The following DOK6 variants were observed in gnomAD, a reference collection of about 807,000 sequenced individuals.
DOK6 encodes the protein docking protein 6.
Under a neutral mutation model 44.0 loss-of-function variants are expected in DOK6, and 22 were observed. That is an observed-to-expected ratio of 0.50 (90% CI 0.36 to 0.71). The LOEUF is 0.71. Ranked by LOEUF, DOK6 falls within the 30% of genes least tolerant of loss-of-function variation. The pLI is 0.00. For synonymous variants in DOK6, 166 were observed against 145.5 expected, an observed-to-expected ratio of 1.14 and a Z score of -1.01; for missense variants, 340 against 416.4, an observed-to-expected ratio of 0.82 and a Z score of 1.60.
intron 1 of DOK6, among the ~76,000 whole-genome samples, chr18:69,423,083 C>T (rs562837333): frequency 5.3e-5 from 8 of 152,158 alleles, no homozygotes; most frequent in African/African-American, 1.9e-4. Flanking sequence ...GTGGGAAGAT[C>T]GCTTGAGGCC....
chr18:69,597,663 G>A (rs905227300), intron 2 of DOK6, among the ~76,000 whole-genome samples: 2 of 152,198 alleles, frequency 1.3e-5, no homozygotes, highest in Non-Finnish European at 2.9e-5. Flanking sequence ...AAAAGGACAT[G>A]TGTCTACAGT....
intron 3 of DOK6, among the ~76,000 whole-genome samples, chr18:69,653,056 G>T (rs971925293): frequency 6.6e-6 from 1 of 152,056 alleles, no homozygotes; most frequent in African/African-American, 2.4e-5. Context: ...AAAAACATGG[G>T]TAAATAGTGG....
intron 5 of DOK6, among the ~76,000 whole-genome samples, chr18:69,711,202 G>T (rs965683621): frequency 1.3e-5 from 2 of 152,184 alleles, no homozygotes; most frequent in Non-Finnish European, 2.9e-5. Context: ...CTGAGTCCAT[G>T]ATATGCTTTC....
At chr18:69,476,239 T>C (rs1245375444) in intron 1 of DOK6, among the ~76,000 whole-genome samples, 7 of 152,224 alleles carry the variant, frequency 4.6e-5, no homozygotes, top group Non-Finnish European at 1.0e-4. Flanking sequence ...GTTTATCATA[T>C]ATTATTTTTC....
chr18:69,507,183 G>A (rs572573367), intron 1 of DOK6, among the ~76,000 whole-genome samples: 6 of 151,914 alleles, frequency 3.9e-5, no homozygotes, highest in East Asian at 1.9e-4. Context: ...GCGTGCCACC[G>A]TGGCTTGCTA....
At chr18:69,641,533 G>T (rs1283041511) in intron 3 of DOK6, among the ~76,000 whole-genome samples, 2 of 152,128 alleles carry the variant, frequency 1.3e-5, no homozygotes, top group Non-Finnish European at 2.9e-5. Context: ...AGAAGCAGAT[G>T]CTTAAACTGT....
rs142287768 is a variant in DOK6, at chr18:69,574,587, A to C, written c.174+9993A>C. On this transcript the variant is annotated intron_variant, in intron 2 of 7. Coordinates refer to ENST00000382713, the MANE Select transcript of DOK6 (RefSeq NM_152721.6). Reference sequence around the variant, plus strand: ...GTGACCACAAGTACTGAAAAGCTACATTGCACAATGATTTGAAGAGAATTT... The same window carrying C: ...GTGACCACAAGTACTGAAAAGCTACCTTGCACAATGATTTGAAGAGAATTT... Among the ~76,000 whole-genome samples the C allele has an allele frequency of 4.1e-4, 62 of 152,198 alleles. No individual in the cohort carries two copies. The East Asian group carries it at 0.011, about 26-fold the overall frequency.
intron 1 of DOK6, among the ~76,000 whole-genome samples, chr18:69,413,250 A>G (rs886504095): frequency 6.6e-6 from 1 of 152,114 alleles, no homozygotes; most frequent in Non-Finnish European, 1.5e-5. Context: ...AATATCTTAA[A>G]ATCATCAATG....
At chr18:69,725,493 A>G (rs1380669578) in intron 5 of DOK6, among the ~76,000 whole-genome samples, 1 of 152,140 alleles carries the variant, frequency 6.6e-6, no homozygotes, top group Non-Finnish European at 1.5e-5. Flanking sequence ...TAATTTTTAA[A>G]TATGTATTTA....
chr18:69,803,573 T>C (rs1224617903), intron 7 of DOK6, among the ~76,000 whole-genome samples: 1 of 152,134 alleles, frequency 6.6e-6, no homozygotes, highest in Non-Finnish European at 1.5e-5. Context: ...GATTTATTTT[T>C]AAAAAATAGC....
At chr18:69,744,475 C>T (rs1978913846) in intron 6 of DOK6, among the ~76,000 whole-genome samples, 1 of 151,626 alleles carries the variant, frequency 6.6e-6, no homozygotes, top group Non-Finnish European at 1.5e-5. Context: ...TACTGATAGT[C>T]ATGGATTGCG....
At chr18:69,675,228 A>G (rs1318381956) in intron 3 of DOK6, among the ~76,000 whole-genome samples, 2 of 152,264 alleles carry the variant, frequency 1.3e-5, no homozygotes, top group Admixed American at 1.3e-4. Context: ...CTTTTACTGT[A>G]TGATTGCTTT....
intron 1 of DOK6, among the ~76,000 whole-genome samples, chr18:69,486,390 G>T (rs1980578879): frequency 6.6e-6 from 1 of 151,998 alleles, no homozygotes; most frequent in Non-Finnish European, 1.5e-5. Context: ...AATGATAATG[G>T]GACAATTAAG....
rs532036373 is a variant in DOK6, at chr18:69,690,458, T to A, written c.410-7946T>A. Among the ~76,000 whole-genome samples the A allele has an allele frequency of 1.1e-4, 16 of 152,328 alleles. 1 individual carries two copies. Among genetic ancestry groups the A allele is most frequent in the African/African-American group, 3.1e-4 (13 of 41,578 alleles). On this transcript the variant is annotated intron_variant, in intron 4 of 7. Coordinates refer to ENST00000382713, the MANE Select transcript of DOK6 (RefSeq NM_152721.6). ...AGATCTAAGGATGGGTCTAAATGTG[T>A]AAACATCCGCTTTTTCAGTGTGGTT...
chr18:69,808,197 T>C (rs1981111558), intron 7 of DOK6, among the ~76,000 whole-genome samples: 1 of 151,644 alleles, frequency 6.6e-6, no homozygotes, highest in Admixed American at 6.6e-5. Context: ...GAAAAACAAA[T>C]GGACCAGTGA....
chr18:69,828,882 G>GTATATATATATATATATATATATATA (rs1475499795), intron 7 of DOK6, among the ~76,000 whole-genome samples: 524 of 25,028 alleles, frequency 0.021, 25 homozygotes, highest in South Asian at 0.069. Context: ...ATACATTTAT[G>GTATATATATATATATATATATATATA]TGTATATATA....
Position 69,730,047 on chromosome 18 carries a change from T to C in DOK6, c.600-8918T>C, listed in dbSNP as rs183382764. Among the ~76,000 whole-genome samples the C allele has an allele frequency of 4.6e-3, 705 of 152,246 alleles. 5 individuals carry two copies. Among genetic ancestry groups the C allele is most frequent in the African/African-American group, 0.016 (675 of 41,542 alleles). ...TCAATACGGAAGGAAAAGAGGAAGA[T>C]AATGAATAGGGAAGATACACTACAT... On this transcript the variant is annotated intron_variant, in intron 5 of 7. Transcript: ENST00000382713.
chr18:69,768,739 ATT>A (rs1185325583), intron 7 of DOK6, among the ~76,000 whole-genome samples: 1 of 151,652 alleles, frequency 6.6e-6, no homozygotes, highest in East Asian at 1.9e-4. Flanking sequence ...GTTGATGTTG[ATT>A]TAAGCCTGGA....
At chr18:69,573,974 T>C (rs962631901) in intron 2 of DOK6, among the ~76,000 whole-genome samples, 1 of 152,026 alleles carries the variant, frequency 6.6e-6, no homozygotes, top group Non-Finnish European at 1.5e-5. Flanking sequence ...ATATATGCAC[T>C]TGTTGAGTGA....
Sources: allele counts gnomAD v4.1 joint callset (sites outside exome capture counted in the v4.1 genomes callset), GRCh38; gene constraint gnomAD v4.1.1; transcripts MANE v1.5; gene names NCBI Gene and HGNC (gene_info 2026-07-23, HGNC 2026-07-21).